DOCK1: variants seen among roughly 807,000 people sequenced by gnomAD.
The protein encoded by DOCK1 is dedicator of cytokinesis 1, also known as dedicator of cytokinesis protein 1.
Under a neutral mutation model 262.7 loss-of-function variants are expected in DOCK1, and 138 were observed. That is an observed-to-expected ratio of 0.53 (90% confidence interval 0.46 to 0.61). The LOEUF (loss-of-function observed/expected upper bound fraction) is 0.61. Ranked by LOEUF, DOCK1 falls within the 20% of genes least tolerant of loss-of-function variation. DOCK1 has a pLI of 0.00. For missense variants in DOCK1, 1,908 were observed against 2,370.7 expected (o/e 0.80, Z 4.05); for synonymous variants, 866 against 867.4 (o/e 1.00, Z 0.03).
At chr10:127,376,817 G>C (rs549895949) in intron 35 of DOCK1, among the ~76,000 whole-genome samples, 2 of 152,128 alleles carry the variant, frequency 1.3e-5, no homozygotes, top group Non-Finnish European at 2.9e-5. Context: ...GATCTCTTAT[G>C]CTCACCAGGA....
At chr10:126,931,739 C>T (rs1375030764) in intron 1 of DOCK1, among the ~76,000 whole-genome samples, 1 of 152,152 alleles carries the variant, frequency 6.6e-6, no homozygotes, top group Non-Finnish European at 1.5e-5. Flanking sequence ...GGCGGACGGC[C>T]TTCCTGTCAC....
At chr10:127,119,382 G>A (rs543108224) in intron 25 of DOCK1, among the ~76,000 whole-genome samples, 3 of 152,248 alleles carry the variant, frequency 2.0e-5, no homozygotes, top group East Asian at 1.9e-4. Context: ...CCGATGGTGC[G>A]TAGAGGTGCA....
At chr10:126,976,398 C>T (rs1398384164) in intron 2 of DOCK1, among the ~76,000 whole-genome samples, 1 of 152,178 alleles carries the variant, frequency 6.6e-6, no homozygotes, top group Non-Finnish European at 1.5e-5. Context: ...CTGGCAGTTT[C>T]TGTCCTCTTT....
chr10:127,251,177 G>A (rs1291570675), intron 28 of DOCK1, among the ~76,000 whole-genome samples: 2 of 151,768 alleles, frequency 1.3e-5, no homozygotes, highest in Non-Finnish European at 2.9e-5. Flanking sequence ...ATGTTGGTCA[G>A]GCTGGTCTCC....
intron 27 of DOCK1, among the ~76,000 whole-genome samples, chr10:127,226,997 C>G (rs1187209026): frequency 6.6e-6 from 1 of 152,136 alleles, no homozygotes; most frequent in East Asian, 1.9e-4. Context: ...GACCATGTTG[C>G]GTATTTTCTT....
intron 29 of DOCK1, among the ~76,000 whole-genome samples, chr10:127,262,134 G>A (rs928243813): frequency 6.9e-6 from 1 of 144,326 alleles, no homozygotes; most frequent in Non-Finnish European, 1.5e-5. Flanking sequence ...GTGTGTACCC[G>A]TGCTCGTCTG....
Position 127,416,066 on chromosome 10 carries a change from G to A in DOCK1, c.4515+828G>A, listed in dbSNP as rs529523788. On this transcript the variant is annotated intron_variant, in intron 44 of 51. Transcript: ENST00000623213. ...GGCCGGCATCTCTCTGCCCAGCTGC[G>A]TGTCCAGCGCCGAGCCTTCTCCTTT... Among the ~76,000 whole-genome samples, 63 of 152,318 alleles carry A rather than the reference G, an allele frequency of 4.1e-4. 1 individual carries two copies. The highest frequency in any genetic ancestry group is 1.4e-3 in the African/African-American group (57 of 41,572).
intron 27 of DOCK1, among the ~76,000 whole-genome samples, chr10:127,225,114 T>C (rs541483376): frequency 6.6e-6 from 1 of 152,332 alleles, no homozygotes; most frequent in South Asian, 2.1e-4. Flanking sequence ...CTAGAGAGGT[T>C]TGGAGGTCTT....
In DOCK1 at chr10:127,199,711, A is replaced by G. The variant is rs925097816; in HGVS notation, c.2848-48297A>G. 3.3e-5 allele frequency among the ~76,000 whole-genome samples: 5 copies of G among 152,224 alleles called. No individual in the cohort carries two copies. In the East Asian group the frequency reaches 5.8e-4, roughly 18 times the overall value. ...ATACTCGTTGCCCGGGACCACAGCAACTTCACTGGTGCTGGATCATTCTGT... is the reference window on the plus strand; with the variant it reads ...ATACTCGTTGCCCGGGACCACAGCAGCTTCACTGGTGCTGGATCATTCTGT... On this transcript the variant is annotated intron_variant, in intron 27 of 51. Transcript: ENST00000623213.
chr10:127,368,149 TC>T (rs543865552), intron 33 of DOCK1, among the ~76,000 whole-genome samples: 59 of 152,314 alleles, frequency 3.9e-4, no homozygotes, highest in African/African-American at 1.3e-3. Context: ...TCAGAGACCT[TC>T]CGTCTGGAGG....
At chr10:127,392,913 C>A (rs58389879) in intron 38 of DOCK1, among the ~76,000 whole-genome samples, 1 of 151,970 alleles carries the variant, frequency 6.6e-6, no homozygotes, top group African/African-American at 2.4e-5. Context: ...CTTGCAAGAG[C>A]AGGGCTGGAT....
chr10:126,948,209 GTGGTGA>G (rs2035735784), intron 1 of DOCK1, among the ~76,000 whole-genome samples: 1 of 77,870 alleles, frequency 1.3e-5, no homozygotes, highest in Non-Finnish European at 2.9e-5. Flanking sequence ...ATTACTGTTG[GTGGTGA>G]TGGTGGTGGT....
chr10:127,451,748 C>G lies in DOCK1; in HGVS notation c.*321C>G, dbSNP rs966879131. On this transcript the variant is annotated 3_prime_UTR_variant, in exon 52 of 52. Coordinates refer to ENST00000623213, the MANE Select transcript of DOCK1 (RefSeq NM_001290223.2). ...CTTTCTTTTTGTGCCAAATGACTTG[C>G]ATTTGCAAAGAGCTCAATTGCTCTG... 1 of 379,132 alleles carries G rather than the reference C, an allele frequency of 2.6e-6. No homozygotes were observed. Among genetic ancestry groups the G allele is most frequent in the Non-Finnish European group, 4.7e-6 (1 of 211,734 alleles). The allele number at this position is 379,132 out of a possible 1,614,324, so 23.5% of individuals were successfully genotyped here. A position where few individuals can be genotyped will look rare whatever the true frequency, so the allele number is the denominator to read the frequency against.
chr10:127,297,829 G>A lies in DOCK1; in HGVS notation c.3044+40400G>A, dbSNP rs148611008. 2.6e-5 allele frequency among the ~76,000 whole-genome samples: 4 copies of A among 152,248 alleles called. No homozygotes were observed. In the East Asian group the frequency reaches 7.8e-4, roughly 30 times the overall value. On this transcript the variant is annotated intron_variant, in intron 29 of 51. Transcript: ENST00000623213. ...TAGCAGAAAGTGATGACAGCTTGGA[G>A]CATCCCAAAGCTATGCATTATTCAG...
intron 27 of DOCK1, among the ~76,000 whole-genome samples, chr10:127,147,867 C>T (rs1185730652): frequency 1.3e-5 from 2 of 151,498 alleles, no homozygotes; most frequent in African/African-American, 4.8e-5. Flanking sequence ...CCCATCTCTA[C>T]TAAAAATACA....
chr10:127,183,227 A>G (rs2055908359), intron 27 of DOCK1, among the ~76,000 whole-genome samples: 2 of 152,004 alleles, frequency 1.3e-5, no homozygotes, highest in South Asian at 4.2e-4. Context: ...ATTTGAGGAT[A>G]CCCTATTGGG....
intron 29 of DOCK1, among the ~76,000 whole-genome samples, chr10:127,323,613 A>G (rs2062631499): frequency 6.6e-6 from 1 of 152,178 alleles, no homozygotes; most frequent in Admixed American, 6.5e-5. Flanking sequence ...CCACATGGCC[A>G]CTGATCCGTG....
At chr10:127,087,113 C>T (rs1467046457) in intron 23 of DOCK1, among the ~76,000 whole-genome samples, 1 of 152,164 alleles carries the variant, frequency 6.6e-6, no homozygotes, top group Non-Finnish European at 1.5e-5. Flanking sequence ...GAAGGAAAAG[C>T]ACTCTGCAGC....
intron 26 of DOCK1, among the ~76,000 whole-genome samples, chr10:127,127,325 T>G (rs1321433266): frequency 1.3e-5 from 2 of 152,252 alleles, no homozygotes; most frequent in Admixed American, 1.3e-4. Flanking sequence ...TCTGCCTGCC[T>G]TCCATTTACA....
Sources: gnomAD v4.1 joint callset for allele counts (sites outside exome capture counted in the v4.1 genomes callset) on GRCh38, gnomAD v4.1.1 for gene constraint, MANE v1.5 for transcripts, NCBI Gene and HGNC (gene_info 2026-07-23, HGNC 2026-07-21) for gene names.